NLRP9: variants seen among roughly 807,000 people sequenced by gnomAD.
NLRP9 encodes NLR family pyrin domain containing 9.
A neutral mutation model predicts 83.1 loss-of-function variants in NLRP9; 88 were observed. The observed-to-expected ratio is 1.06, with a 90% CI of 0.89 to 1.26. NLRP9 has a LOEUF of 1.26. NLRP9 is among the 50% of genes most tolerant of loss of function. The pLI is 0.00. For missense variants in NLRP9, 1,308 were observed against 1,179.3 expected, an observed-to-expected ratio of 1.11 and a Z score of -1.60; for synonymous variants, 521 against 447.6, an observed-to-expected ratio of 1.16 and a Z score of -2.07.
chr19:55,720,345 C>T (rs142317237), intron 4 of NLRP9, among the ~76,000 whole-genome samples: 11 of 152,186 alleles, frequency 7.2e-5, no homozygotes, highest in African/African-American at 2.4e-4. Flanking sequence ...TCTTTTGAGA[C>T]GTGGTCTCAC....
At position 55,732,454 on chromosome 19, in the gene NLRP9, G is replaced by A. The variant is rs1304278072; in HGVS notation, c.1377C>T (p.Leu459=). The part of the protein sequence containing the change: ...QEFCAAMFYL[L]KRPKDDPNPA... ...GGTTAGGATCGTCTTTGGGTCGTTT[G>A]AGCAAATAAAACATGGCGGCACAAA... Residue 459 remains leucine (L), a synonymous_variant, in exon 2 of 9, where the codon CTC becomes CTT. Coordinates refer to ENST00000332836, the MANE Select transcript of NLRP9 (RefSeq NM_176820.4). 1 of 1,614,184 alleles carries A rather than the reference G, an allele frequency of 6.2e-7. No homozygotes were observed. The highest frequency in any genetic ancestry group is 8.5e-7 in the Non-Finnish European group (1 of 1,180,030).
chr19:55,736,377 C>T (rs562655164), intron 1 of NLRP9, among the ~76,000 whole-genome samples: 35 of 152,116 alleles, frequency 2.3e-4, no homozygotes, highest in African/African-American at 7.5e-4. Context: ...GGCGACAGAG[C>T]GAGACTCCGT....
chr19:55,719,086 G>C (rs999426328), intron 4 of NLRP9, among the ~76,000 whole-genome samples: 1 of 152,230 alleles, frequency 6.6e-6, no homozygotes, highest in Non-Finnish European at 1.5e-5. Flanking sequence ...GATGCCAGTT[G>C]CAAGCGCTGG....
chr19:55,732,105 C>T lies in NLRP9; in HGVS notation c.1726G>A (p.Glu576Lys), dbSNP rs778289819. The change falls in exon 2 of 9, where the codon GAA becomes AAA. Residue 576 changes from glutamate to lysine, a missense_variant. Physicochemically the swap from Glu to Lys is moderately conservative, Grantham distance 56. Transcript: ENST00000332836. ...EEVFIYIGNI[E>K]HLVIASFCLK... ...CAGAATGAAGCTATTACCAAATGTTCTATGTTACCAATATAAATGAAAACT... is the reference window on the plus strand; with the variant it reads ...CAGAATGAAGCTATTACCAAATGTTTTATGTTACCAATATAAATGAAAACT... 3.1e-6 allele frequency: 5 copies of T among 1,612,248 alleles called. No individual in the cohort carries two copies. The highest frequency in any genetic ancestry group is 4.2e-6 in the Non-Finnish European group (5 of 1,179,384).
intron 3 of NLRP9, among the ~76,000 whole-genome samples, chr19:55,726,233 T>C (rs1366931811): frequency 6.6e-6 from 1 of 152,076 alleles, no homozygotes; most frequent in African/African-American, 2.4e-5. Flanking sequence ...GACAATATGG[T>C]GGGAAAACAG....
At chr19:55,722,901 A>C (rs1988273531) in intron 4 of NLRP9, among the ~76,000 whole-genome samples, 1 of 152,190 alleles carries the variant, frequency 6.6e-6, no homozygotes, top group African/African-American at 2.4e-5. Context: ...ACAAGAAGAG[A>C]AAACCAAACA....
At chr19:55,734,471 A>T (rs1021896966) in intron 1 of NLRP9, among the ~76,000 whole-genome samples, 3 of 149,634 alleles carry the variant, frequency 2.0e-5, no homozygotes, top group African/African-American at 7.3e-5. Context: ...TTCTTTAATT[A>T]AACTGATGAT....
intron 6 of NLRP9, 116 bp downstream of exon 6, chr19:55,714,939 T>C: frequency 2.0e-6 from 2 of 994,580 alleles, no homozygotes; most frequent in Non-Finnish European, 3.0e-6. Flanking sequence ...AACATACGAA[T>C]TTTGGGAGGA....
At position 55,732,211 on chromosome 19, in the gene NLRP9, T is replaced by G. The variant is rs1432438961; in HGVS notation, c.1620A>C (p.Ile540=). The G allele has an allele frequency of 6.2e-7, 1 of 1,613,590 alleles. No individual in the cohort carries two copies. Among genetic ancestry groups the G allele is most frequent in the African/African-American group, 1.3e-5 (1 of 74,930 alleles). ...LSQCEADREA[I]AFQELFIGLF... Reference sequence around the variant, plus strand: ...AACCAATGAATAGTTCCTGGAAAGCTATGGCTTCCCTATCAGCTTCACATT... The same window carrying G: ...AACCAATGAATAGTTCCTGGAAAGCGATGGCTTCCCTATCAGCTTCACATT... The change falls in exon 2 of 9, where the codon ATA becomes ATC. Residue 540 remains isoleucine, a synonymous_variant. Transcript: ENST00000332836.
intron 4 of NLRP9, among the ~76,000 whole-genome samples, chr19:55,719,870 A>C (rs1267243319): frequency 6.6e-6 from 1 of 152,230 alleles, no homozygotes; most frequent in African/African-American, 2.4e-5. Flanking sequence ...GTGGGAGGGG[A>C]AACTTAAAAT....
chr19:55,714,056 G>T (rs1987913901), intron 6 of NLRP9, among the ~76,000 whole-genome samples: 1 of 150,470 alleles, frequency 6.6e-6, no homozygotes, highest in African/African-American at 2.4e-5. Flanking sequence ...ACACATGCAT[G>T]TGTGTGTATC....
At chr19:55,730,290 T>G (rs556377937) in intron 2 of NLRP9, among the ~76,000 whole-genome samples, 185 of 152,188 alleles carry the variant, frequency 1.2e-3, no homozygotes, top group African/African-American at 4.3e-3. Flanking sequence ...TCCATCTCTA[T>G]TAAAAATTTA....
At position 55,732,108 on chromosome 19, in the gene NLRP9, T is replaced by A; in HGVS notation, c.1723A>T (p.Ile575Leu). ...AATGAAGCTATTACCAAATGTTCTA[T>A]GTTACCAATATAAATGAAAACTTCT... ...FEEVFIYIGNIEHLVIASFCL... is the reference protein window; with the variant it reads ...FEEVFIYIGNLEHLVIASFCL... The change falls in exon 2 of 9, where the codon ATA becomes TTA. Residue 575 changes from isoleucine (I) to leucine (L), a missense_variant. Ile to Leu is a conservative substitution (Grantham distance 5). Coordinates refer to ENST00000332836, the MANE Select transcript of NLRP9 (RefSeq NM_176820.4). 6.2e-7 allele frequency: 1 copy of A among 1,612,576 alleles called. No individual in the cohort carries two copies. Among genetic ancestry groups the A allele is most frequent in the South Asian group, 1.1e-5 (1 of 90,546 alleles).
intron 6 of NLRP9, among the ~76,000 whole-genome samples, chr19:55,714,423 G>A (rs948878826): frequency 1.3e-5 from 2 of 152,066 alleles, no homozygotes; most frequent in Non-Finnish European, 2.9e-5. Context: ...CTGGGGAGAG[G>A]TGAGTCACCT....
intron 4 of NLRP9, among the ~76,000 whole-genome samples, chr19:55,721,421 C>G (rs1988222463): frequency 6.6e-6 from 1 of 152,138 alleles, no homozygotes; most frequent in African/African-American, 2.4e-5. Flanking sequence ...GGCCACTGCA[C>G]AGTATTAGAT....
chr19:55,715,420 C>T (rs551453889), intron 5 of NLRP9, among the ~76,000 whole-genome samples, 195 bp from the exon 6 acceptor site: 1 of 152,214 alleles, frequency 6.6e-6, no homozygotes, highest in Non-Finnish European at 1.5e-5. Context: ...TGCGGTGCCT[C>T]ACGCCTGTCA....
chr19:55,719,341 CG>C (rs572842890), intron 4 of NLRP9, among the ~76,000 whole-genome samples: 3,141 of 152,174 alleles, frequency 0.021, 44 homozygotes, highest in Non-Finnish European at 0.035. Context: ...TTAGTAGAGA[CG>C]GGGTTTCACC....
At chr19:55,720,654 A>T (rs1988196397) in intron 4 of NLRP9, among the ~76,000 whole-genome samples, 1 of 152,212 alleles carries the variant, frequency 6.6e-6, no homozygotes, top group African/African-American at 2.4e-5. Flanking sequence ...ACACACAAAA[A>T]GCAGCTGAAC....
chr19:55,715,739 G>C (rs1158260190), intron 5 of NLRP9, among the ~76,000 whole-genome samples: 1 of 150,850 alleles, frequency 6.6e-6, no homozygotes, highest in East Asian at 1.9e-4. Flanking sequence ...ACAGAAAGAT[G>C]AATGTGGAAT....
Sources: allele counts gnomAD v4.1 joint callset (sites outside exome capture counted in the v4.1 genomes callset), GRCh38; gene constraint gnomAD v4.1.1; transcripts MANE v1.5; gene names NCBI Gene and HGNC (gene_info 2026-07-23, HGNC 2026-07-21).